The following ZNF536 variants were observed in gnomAD, a reference collection of about 807,000 sequenced individuals.
ZNF536 encodes zinc finger protein 536.
In ZNF536, 13 loss-of-function variants were observed where a neutral mutation model predicts 84.5. The ratio of observed to expected loss-of-function variants is 0.15; its 90% confidence interval spans 0.10 to 0.24. The LOEUF (loss-of-function observed/expected upper bound fraction) is 0.24, where lower values mean the gene tolerates loss of function less well. ZNF536 is among the 10% of genes least tolerant of loss of function. ZNF536 has a pLI of 1.00. For missense variants in ZNF536, 1,536 were observed against 1,747.5 expected (o/e 0.88, Z 2.16); for synonymous variants, 811 against 742.5 (o/e 1.09, Z -1.50).
intron 1 of ZNF536, among the ~76,000 whole-genome samples, chr19:30,574,733 T>C (rs915478134): frequency 3.3e-5 from 5 of 152,254 alleles, no homozygotes; most frequent in Admixed American, 3.3e-4. Flanking sequence ...ACTGAAGGTA[T>C]GCACTTCATC....
At chr19:30,351,016 T>C (rs1214862891) in intron 2 of ZNF536, among the ~76,000 whole-genome samples, 1 of 152,202 alleles carries the variant, frequency 6.6e-6, no homozygotes, top group Non-Finnish European at 1.5e-5. Flanking sequence ...TAATACAATT[T>C]AATGTCATTC....
At position 30,317,497 on chromosome 19, in the gene ZNF536, C is replaced by T. The variant is rs371422143; in HGVS notation, c.-120+33356C>T. 4.6e-5 allele frequency among the ~76,000 whole-genome samples: 7 copies of T among 152,322 alleles called. No individual in the cohort carries two copies. In the East Asian group the frequency reaches 5.8e-4, roughly 13 times the overall value. ...GGAGATGGCCTGGCTGGAAGTCCAG[C>T]GGCCCGAGGAGTGGGTGCCTCTGTT... On this transcript the variant is annotated intron_variant, in intron 2 of 5. Transcript: ENST00000585628.
intron 1 of ZNF536, among the ~76,000 whole-genome samples, chr19:30,693,724 T>A (rs541519071): frequency 4.6e-5 from 7 of 152,356 alleles, no homozygotes; most frequent in African/African-American, 1.7e-4. Context: ...ACTTTGTAAT[T>A]TTCTATTGTT....
At chr19:30,281,909 G>A (rs907540636) in intron 1 of ZNF536, among the ~76,000 whole-genome samples, 1 of 152,176 alleles carries the variant, frequency 6.6e-6, no homozygotes, top group African/African-American at 2.4e-5. Flanking sequence ...CCCTGTGGGG[G>A]ACAGGGCAAG....
chr19:30,443,388 T>G (rs2052155631), intron 1 of ZNF536, among the ~76,000 whole-genome samples, 173 bp from the exon 2 acceptor site: 1 of 152,266 alleles, frequency 6.6e-6, no homozygotes, highest in Non-Finnish European at 1.5e-5. Context: ...AATGCCATAT[T>G]GCATAATTGG....
intron 1 of ZNF536, among the ~76,000 whole-genome samples, chr19:30,376,111 C>T (rs2048809718): frequency 6.6e-6 from 1 of 152,026 alleles, no homozygotes; most frequent in African/African-American, 2.4e-5. Context: ...GCTGTAGCGC[C>T]CTCTCCCTCA....
At chr19:30,448,131 T>C (rs542867377) in intron 2 of ZNF536, among the ~76,000 whole-genome samples, 67 of 152,372 alleles carry the variant, frequency 4.4e-4, no homozygotes, top group Non-Finnish European at 6.5e-4. Flanking sequence ...ATTTTACAAT[T>C]GTGAATACTG....
chr19:30,274,217 C>G (rs2026005376), intron 1 of ZNF536, among the ~76,000 whole-genome samples: 1 of 152,190 alleles, frequency 6.6e-6, no homozygotes, highest in Non-Finnish European at 1.5e-5. Context: ...TCTCTAAAAA[C>G]CTGCTTTGGA....
chr19:30,490,576 A>C (rs963028366), intron 2 of ZNF536, among the ~76,000 whole-genome samples: 1 of 152,058 alleles, frequency 6.6e-6, no homozygotes, highest in African/African-American at 2.4e-5. Context: ...ACTTAGATAA[A>C]GAAACTTCCA....
At chr19:30,561,342 T>C (rs1014770373), downstream of ZNF536, among the ~76,000 whole-genome samples, 2 of 151,986 alleles carry the variant, frequency 1.3e-5, no homozygotes, top group Non-Finnish European at 2.9e-5. Flanking sequence ...CTGAAGGTGG[T>C]TTTGCTGAGG....
intron 1 of ZNF536, among the ~76,000 whole-genome samples, chr19:30,637,671 T>C (rs1413093205): frequency 2.0e-5 from 3 of 152,194 alleles, no homozygotes; most frequent in African/African-American, 7.2e-5. Flanking sequence ...ATCACATAGC[T>C]CTTCTTCCAA....
At chr19:30,227,861 G>A (rs1050807263), upstream of ZNF536, among the ~76,000 whole-genome samples, 6 of 151,994 alleles carry the variant, frequency 3.9e-5, no homozygotes, top group African/African-American at 9.7e-5. Context: ...GGCCGGTGTA[G>A]AGGCGCGGAG....
intron 1 of ZNF536, among the ~76,000 whole-genome samples, chr19:30,439,064 T>C (rs543434812): frequency 6.6e-6 from 1 of 152,252 alleles, no homozygotes; most frequent in South Asian, 2.1e-4. Context: ...GTAGGATAAA[T>C]GATGCCTTAG....
chr19:30,233,881 G>A lies in ZNF536; in HGVS notation c.-190+5208G>A, dbSNP rs561579130. Among the ~76,000 whole-genome samples, 15 of 152,200 alleles carry A rather than the reference G, an allele frequency of 9.9e-5. No homozygotes were observed. In the South Asian group the frequency reaches 3.1e-3, roughly 32 times the overall value. On this transcript the variant is annotated intron_variant, in intron 1 of 5. Transcript: ENST00000585628. ...ACCCACGTTCAGCTGCCCTTTCTGG[G>A]GCCAGATTTACAGCAGGACCTCTGT...
chr19:30,707,370 A>G (rs2052284990), intron 1 of ZNF536, among the ~76,000 whole-genome samples: 1 of 152,132 alleles, frequency 6.6e-6, no homozygotes, highest in African/African-American at 2.4e-5. Context: ...TGCATTGGAA[A>G]TATGTCCCAG....
chr19:30,485,233 C>A (rs2054259585), intron 2 of ZNF536, among the ~76,000 whole-genome samples: 1 of 152,128 alleles, frequency 6.6e-6, no homozygotes, highest in African/African-American at 2.4e-5. Flanking sequence ...AGGTTCCACC[C>A]CTGCACGTTT....
At chr19:30,272,198 C>A (rs1451800731) in intron 1 of ZNF536, among the ~76,000 whole-genome samples, 1 of 151,818 alleles carries the variant, frequency 6.6e-6, no homozygotes, top group Non-Finnish European at 1.5e-5. Flanking sequence ...TCTTTTTTTT[C>A]TTTGTAAATT....
chr19:30,701,322 C>T (rs1352872864), intron 1 of ZNF536, among the ~76,000 whole-genome samples: 2 of 151,032 alleles, frequency 1.3e-5, no homozygotes, highest in Non-Finnish European at 2.9e-5. Context: ...CAGACACACA[C>T]AAACACAAAC....
intron 2 of ZNF536, among the ~76,000 whole-genome samples, chr19:30,474,013 A>T (rs2053746680): frequency 6.6e-6 from 1 of 152,242 alleles, no homozygotes; most frequent in Admixed American, 6.5e-5. Context: ...TGCCTGGCCC[A>T]TAGTAGCTGC....
Sources: gnomAD v4.1 joint callset for allele counts (sites outside exome capture counted in the v4.1 genomes callset) on GRCh38, gnomAD v4.1.1 for gene constraint, MANE v1.5 for transcripts, NCBI Gene and HGNC (gene_info 2026-07-23, HGNC 2026-07-21) for gene names.